The following GRAMD2A variants were observed in gnomAD, a reference collection of about 807,000 sequenced individuals.
The protein encoded by GRAMD2A is GRAM domain-containing protein 2A.
Under a neutral mutation model 51.1 loss-of-function variants are expected in GRAMD2A, and 37 were observed. The observed-to-expected ratio is 0.72, with a 90% CI of 0.56 to 0.95. GRAMD2A has a LOEUF of 0.95. GRAMD2A is among the 40% of genes least tolerant of loss of function. The pLI is 0.00. For synonymous variants in GRAMD2A, 136 were observed against 157.1 expected (o/e 0.87, Z 1.01); for missense variants, 414 against 426.9 (o/e 0.97, Z 0.27).
intron 1 of GRAMD2A, among the ~76,000 whole-genome samples, chr15:72,193,581 GGC>G (rs2081783985): frequency 6.7e-6 from 1 of 150,310 alleles, no homozygotes; most frequent in Non-Finnish European, 1.5e-5. Flanking sequence ...GGAGTACAGT[GGC>G]GTGATCTCTG....
chr15:72,169,716 C>G, intron 2 of GRAMD2A, 131 bp downstream of exon 2: 1 of 739,146 alleles, frequency 1.4e-6, no homozygotes. Flanking sequence ...CTGGGGCAGC[C>G]TGTGCCTGAC....
intron 1 of GRAMD2A, among the ~76,000 whole-genome samples, chr15:72,193,546 G>T (rs1004475832): frequency 1.5e-5 from 2 of 137,506 alleles, no homozygotes; most frequent in East Asian, 2.2e-4. Context: ...TTTTCGAGAC[G>T]CAGTCTTGCT....
intron 8 of GRAMD2A, 112 bp downstream of exon 8, chr15:72,165,242 C>A (rs1306559968): frequency 8.5e-6 from 8 of 945,542 alleles, no homozygotes; most frequent in Non-Finnish European, 1.3e-5. Context: ...GCCACTGACT[C>A]TTGAGCCTGG....
intron 1 of GRAMD2A, among the ~76,000 whole-genome samples, chr15:72,180,292 T>A (rs2081687106): frequency 6.6e-6 from 1 of 152,262 alleles, no homozygotes; most frequent in African/African-American, 2.4e-5. Context: ...GCGGCATCTA[T>A]TTGAGCTGGC....
intron 1 of GRAMD2A, among the ~76,000 whole-genome samples, chr15:72,178,841 T>C (rs1482229135): frequency 6.6e-6 from 1 of 152,202 alleles, no homozygotes; most frequent in Non-Finnish European, 1.5e-5. Context: ...CCCAAAGTGC[T>C]GGGATTACAG....
Position 72,163,314 on chromosome 15 carries a change from C to T in GRAMD2A, c.908G>A (p.Gly303Glu). Residue 303 changes from glycine to glutamate, a missense_variant, in exon 10 of 12, where the codon GGG becomes GAG. Physicochemically the swap from Gly to Glu is moderately conservative, Grantham distance 98. Coordinates refer to ENST00000309731, the MANE Select transcript of GRAMD2A (RefSeq NM_001012642.3). ...CCGGTAATCCCAGAGCCTCAGCTCC[C>T]CAGTGCTCCTGGGCTCCTCCTCCAG... ...DELEEEPRST[G>E]ELRLWDYRLL... 1 of 1,613,032 alleles carries T rather than the reference C, an allele frequency of 6.2e-7. No individual in the cohort carries two copies.
At chr15:72,163,502 A>AG (rs773028992) in intron 9 of GRAMD2A, 26 bp from the exon 10 acceptor site, 1 of 1,605,416 alleles carries the variant, frequency 6.2e-7, no homozygotes, top group Non-Finnish European at 8.5e-7. Flanking sequence ...GAAAAAAAAA[A>AG]TCAGCTCTCA....
intron 3 of GRAMD2A, 110 bp downstream of exon 3, chr15:72,168,829 C>T: frequency 1.0e-6 from 1 of 988,912 alleles, no homozygotes; most frequent in East Asian, 2.4e-5. Context: ...ACTCAGGTCT[C>T]CTGATTTCCT....
intron 1 of GRAMD2A, among the ~76,000 whole-genome samples, chr15:72,182,301 G>A (rs1369950589): frequency 6.8e-6 from 1 of 146,714 alleles, no homozygotes; most frequent in Non-Finnish European, 1.5e-5. Flanking sequence ...GGAGGTGGAG[G>A]TTGCAGTGAG....
chr15:72,197,778 G>C lies in GRAMD2A; in HGVS notation c.-7C>G. ...TCCGGCTTAAAGCGGTCATCCCGGC[G>C]CCTGCACCCAGCGCCCCGACCGCGC... is the stretch of plus-strand genomic sequence containing the variant. On this transcript the variant is annotated 5_prime_UTR_variant, in exon 1 of 12. Transcript: ENST00000309731. 1.6e-6 allele frequency: 2 copies of C among 1,289,496 alleles called. No individual in the cohort carries two copies. The highest frequency in any genetic ancestry group is 4.3e-5 in the South Asian group (2 of 47,012). 79.9% of individuals were successfully genotyped at this position (1,289,496 alleles called of 1,614,324 possible). A position where few individuals can be genotyped will look rare whatever the true frequency, so the allele number is the denominator to read the frequency against.
At chr15:72,177,868 C>A (rs1363682186) in intron 1 of GRAMD2A, among the ~76,000 whole-genome samples, 1 of 152,206 alleles carries the variant, frequency 6.6e-6, no homozygotes, top group Non-Finnish European at 1.5e-5. Flanking sequence ...GCTGGGATTA[C>A]AGGCGTGTGC....
At chr15:72,169,073 G>T in intron 2 of GRAMD2A, 77 bp from the exon 3 acceptor site, 2 of 1,338,926 alleles carry the variant, frequency 1.5e-6, no homozygotes, top group Non-Finnish European at 1.1e-6. Flanking sequence ...ATTCTGCCCT[G>T]GCCTTGAGCC....
At chr15:72,189,600 G>T (rs1264140653) in intron 1 of GRAMD2A, among the ~76,000 whole-genome samples, 1 of 152,222 alleles carries the variant, frequency 6.6e-6, no homozygotes, top group Non-Finnish European at 1.5e-5. Context: ...TAAAACAGAG[G>T]TAGCTTTTCT....
At chr15:72,169,698 G>A (rs914032128) in intron 2 of GRAMD2A, 149 bp downstream of exon 2, 2 of 706,650 alleles carry the variant, frequency 2.8e-6, no homozygotes, top group Non-Finnish European at 2.6e-6. Context: ...GGGGCGGGAG[G>A]AAGAAGCCTG....
intron 1 of GRAMD2A, among the ~76,000 whole-genome samples, chr15:72,197,147 G>A (rs905912151): frequency 6.6e-5 from 10 of 152,206 alleles, no homozygotes; most frequent in Non-Finnish European, 1.2e-4. Context: ...TCGAGGCCGG[G>A]AGACCGGCCC....
At chr15:72,179,387 T>A (rs935759180) in intron 1 of GRAMD2A, among the ~76,000 whole-genome samples, 6 of 152,192 alleles carry the variant, frequency 3.9e-5, no homozygotes, top group Non-Finnish European at 7.4e-5. Context: ...TGTGGAGGTA[T>A]GCAGCCAGGA....
intron 8 of GRAMD2A, among the ~76,000 whole-genome samples, chr15:72,164,177 A>G (rs922708646): frequency 1.3e-5 from 2 of 152,138 alleles, no homozygotes; most frequent in African/African-American, 2.4e-5. Context: ...TTCACCTTCT[A>G]TCCGGCACAT....
chr15:72,187,829 C>A (rs529841577), intron 1 of GRAMD2A, among the ~76,000 whole-genome samples: 1 of 152,226 alleles, frequency 6.6e-6, no homozygotes, highest in East Asian at 1.9e-4. Context: ...GCCATAATAT[C>A]TTTTTTTCCT....
chr15:72,165,403 C>A lies in GRAMD2A; in HGVS notation c.551G>T (p.Ser184Ile). The A allele has an allele frequency of 6.2e-7, 1 of 1,614,028 alleles. No homozygotes were observed. Among genetic ancestry groups the A allele is most frequent in the South Asian group, 1.1e-5 (1 of 91,078 alleles). The change falls in exon 8 of 12, where the codon AGC (serine) becomes ATC (isoleucine). Residue 184 changes from serine (S) to isoleucine (I), a missense_variant. Ser to Ile is a moderately radical substitution (Grantham distance 142, BLOSUM62 -2). Coordinates refer to ENST00000309731, the MANE Select transcript of GRAMD2A (RefSeq NM_001012642.3). ...RRVCTHLQPSSKKSLSVREFS... is the reference protein window; with the variant it reads ...RRVCTHLQPSIKKSLSVREFS... ...TTCTCTTACACTCAGACTCTTCTTG[C>A]TGGAAGGCTGAGGAGGAAAGGGAAC...
Sources: allele counts gnomAD v4.1 joint callset (sites outside exome capture counted in the v4.1 genomes callset), GRCh38; gene constraint gnomAD v4.1.1; transcripts MANE v1.5; gene names NCBI Gene and HGNC (gene_info 2026-07-23, HGNC 2026-07-21).